Variants in PDK1 observed in about 807,000 individuals in gnomAD.
PDK1 encodes [Pyruvate dehydrogenase (acetyl-transferring)] kinase isozyme 1, mitochondrial.
A neutral mutation model predicts 54.2 loss-of-function variants in PDK1; 39 were observed. The ratio of observed to expected loss-of-function variants is 0.72; its 90% CI spans 0.56 to 0.94. PDK1 has a LOEUF of 0.94. Among genes scored for constraint, PDK1 ranks in the 40% least tolerant of loss-of-function variants. PDK1 has a pLI of 0.00. For missense variants in PDK1, 552 were observed against 566.0 expected (o/e 0.98, Z 0.25); for synonymous variants, 221 against 207.1 (o/e 1.07, Z -0.58).
At chr2:172,562,768 C>G in intron 3 of PDK1, 2 of 1,607,664 alleles carry the variant, frequency 1.2e-6, no homozygotes, top group Non-Finnish European at 1.7e-6. Context: ...GGTTGCAGGT[C>G]TCTAGTTTAT....
At chr2:172,556,627 G>A (rs533117275) in intron 1 of PDK1, 1 of 323,292 alleles carries the variant, frequency 3.1e-6, no homozygotes, top group South Asian at 9.5e-5. Context: ...CACGTGTGCA[G>A]GTGCGCGCTA....
the PDK1 span, among the ~76,000 whole-genome samples, chr2:172,682,532 C>T: frequency 6.6e-6 from 1 of 152,208 alleles, no homozygotes; most frequent in East Asian, 1.9e-4. Flanking sequence ...AGCTGGCTAA[C>T]CAGGGACCAC....
At chr2:172,610,229 A>G (rs1256237963), downstream of PDK1, among the ~76,000 whole-genome samples, 4 of 152,212 alleles carry the variant, frequency 2.6e-5, no homozygotes, top group Non-Finnish European at 4.4e-5. Context: ...TGTCCACTCA[A>G]CAGTGGCTTT....
the PDK1 span, among the ~76,000 whole-genome samples, chr2:172,697,435 A>G: frequency 2.6e-5 from 4 of 152,168 alleles, no homozygotes; most frequent in African/African-American, 9.7e-5. Context: ...CAAGAAGTGT[A>G]TTTCTTATGT....
At chr2:172,648,163 A>C in the PDK1 span, among the ~76,000 whole-genome samples, 1 of 152,218 alleles carries the variant, frequency 6.6e-6, no homozygotes, top group Non-Finnish European at 1.5e-5. Flanking sequence ...TATTAGTAGG[A>C]AACCCGATAA....
chr2:172,583,937 A>G (rs1046505075), intron 8 of PDK1, among the ~76,000 whole-genome samples: 6 of 152,204 alleles, frequency 3.9e-5, no homozygotes, highest in Non-Finnish European at 8.8e-5. Context: ...GTGACAAAGG[A>G]AAATGGCTGT....
Position 172,556,274 on chromosome 2 carries a change from G to A in PDK1, c.124G>A (p.Val42Ile). Residue 42 changes from valine (V) to isoleucine (I), a missense_variant, in exon 1 of 11, where the codon GTT (valine) becomes ATT (isoleucine). Physicochemically the swap from Val to Ile is conservative, Grantham distance 29. Transcript: ENST00000282077. Reference sequence around the variant, plus strand: ...CTCCAGCCCGGCGTCCGAGCGCGGCGTTCCGGGCCAGGTGGACTTCTACGC... The same window carrying A: ...CTCCAGCCCGGCGTCCGAGCGCGGCATTCCGGGCCAGGTGGACTTCTACGC... ...SGSSPASERG[V>I]PGQVDFYARF... is the part of the protein sequence containing the mutation. 4.0e-6 allele frequency: 6 copies of A among 1,499,478 alleles called. No individual in the cohort carries two copies. Among genetic ancestry groups the A allele is most frequent in the Non-Finnish European group, 5.3e-6 (6 of 1,130,956 alleles). 92.9% of individuals were successfully genotyped at this position (1,499,478 alleles called of 1,614,324 possible).
At chr2:172,595,311 C>T (rs779585126) in intron 10 of PDK1, among the ~76,000 whole-genome samples, 1 of 152,112 alleles carries the variant, frequency 6.6e-6, no homozygotes, top group Non-Finnish European at 1.5e-5. Flanking sequence ...CTCAAGCAAT[C>T]TTCCTGTGTA....
At chr2:172,584,440 C>A (rs1006327653) in intron 8 of PDK1, among the ~76,000 whole-genome samples, 1 of 150,246 alleles carries the variant, frequency 6.7e-6, no homozygotes, top group East Asian at 1.9e-4. Context: ...ATATGGAGTT[C>A]TATATAATAT....
Position 172,562,225 on chromosome 2 carries a change from T to C in PDK1, c.344T>C (p.Ile115Thr), listed in dbSNP as rs1688691532. The change falls in exon 3 of 11, where the codon ATC becomes ACC. Residue 115 changes from isoleucine (I) to threonine (T), a missense_variant. Ile to Thr is a moderately conservative substitution (Grantham distance 89). Transcript: ENST00000282077. ...CCTATTGATCTGCATTTTAGGTATA[T>C]CCAGAGTCTTCAGGAGCTTCTTGAT... ...PSVQLVQSWY[I>T]QSLQELLDFK... The C allele has an allele frequency of 2.6e-6, 4 of 1,568,376 alleles. No homozygotes were observed. The highest frequency in any genetic ancestry group is 3.5e-6 in the Non-Finnish European group (4 of 1,139,064).
intron 5 of PDK1, among the ~76,000 whole-genome samples, chr2:172,566,406 T>C (rs1320488842): frequency 6.6e-6 from 1 of 152,014 alleles, no homozygotes; most frequent in Non-Finnish European, 1.5e-5. Flanking sequence ...AATACAAAAA[T>C]TAGCTGGGCG....
chr2:172,575,159 C>T (rs140291921), intron 8 of PDK1, among the ~76,000 whole-genome samples: 5 of 152,246 alleles, frequency 3.3e-5, no homozygotes, highest in African/African-American at 9.6e-5. Flanking sequence ...TAGTGTATTA[C>T]ATTGCTTTTT....
intron 10 of PDK1, among the ~76,000 whole-genome samples, chr2:172,595,215 A>G (rs1374380744): frequency 1.3e-5 from 2 of 152,184 alleles, no homozygotes; most frequent in East Asian, 3.9e-4. Context: ...GACTACACCC[A>G]TGTGCCACCA....
At chr2:172,555,451 C>T (rs924641440), upstream of PDK1, 2 of 152,206 alleles carry the variant, frequency 1.3e-5, no homozygotes, top group African/African-American at 4.8e-5. Context: ...AGAGCCAGTA[C>T]ATGGCAGTAC....
chr2:172,694,062 G>A, the PDK1 span, among the ~76,000 whole-genome samples: 74 of 152,194 alleles, frequency 4.9e-4, no homozygotes, highest in Non-Finnish European at 8.7e-4. Context: ...TCCCACCTCC[G>A]TGTGGCGACC....
chr2:172,576,421 T>G (rs936502501), intron 8 of PDK1, among the ~76,000 whole-genome samples: 3 of 151,862 alleles, frequency 2.0e-5, no homozygotes, highest in Non-Finnish European at 4.4e-5. Context: ...TACTTATCAA[T>G]TTTGTTAATC....
the PDK1 span, among the ~76,000 whole-genome samples, chr2:172,661,811 A>G: frequency 1.3e-5 from 2 of 152,122 alleles, no homozygotes; most frequent in African/African-American, 4.8e-5. Flanking sequence ...GAAGGGAGAG[A>G]GAGGGAGAGG....
intron 9 of PDK1, among the ~76,000 whole-genome samples, chr2:172,589,264 C>T (rs1690435851): frequency 6.6e-6 from 1 of 152,226 alleles, no homozygotes; most frequent in South Asian, 2.1e-4. Flanking sequence ...AGAGGTAGCT[C>T]ACTCAAATTA....
intron 9 of PDK1, among the ~76,000 whole-genome samples, chr2:172,590,515 A>G (rs11891127): frequency 0.22 from 32,997 of 151,936 alleles, 4,963 homozygotes; most frequent in African/African-American, 0.43. Flanking sequence ...TAAAGGTGGC[A>G]TGTCTGGAGT....
Sources: allele counts gnomAD v4.1 joint callset (sites outside exome capture counted in the v4.1 genomes callset), GRCh38; gene constraint gnomAD v4.1.1; transcripts MANE v1.5; gene names NCBI Gene and HGNC (gene_info 2026-07-23, HGNC 2026-07-21).